PLXNB1: variants seen among roughly 807,000 people sequenced by gnomAD.
The protein encoded by PLXNB1 is plexin B1, also known as plexin-B1.
Under a neutral mutation model 209.4 loss-of-function variants are expected in PLXNB1, and 106 were observed. The ratio of observed to expected loss-of-function variants is 0.51; its 90% CI spans 0.43 to 0.59. The LOEUF (loss-of-function observed/expected upper bound fraction) is 0.59, where lower values mean the gene tolerates loss of function less well. Ranked by LOEUF, PLXNB1 falls within the 20% of genes least tolerant of loss-of-function variation. The probability of loss-of-function intolerance (pLI) is 0.00; values close to 1 mark genes in which losing one functional copy is unlikely to be tolerated. For missense variants in PLXNB1, 2,357 were observed against 2,853.2 expected (o/e 0.83, Z 3.96); for synonymous variants, 1,167 against 1,183.2 (o/e 0.99, Z 0.28).
In PLXNB1 at chr3:48,406,447, T is replaced by G; in HGVS notation, c.6228+376A>C. On this transcript the variant is annotated intron_variant, in intron 36 of 37. Transcript: ENST00000296440. The surrounding 1 kb of genome is among the most constrained non-coding windows in gnomAD (Gnocchi z 4.4). Reference sequence around the variant, plus strand: ...TGTTCATAAACTCCCTGGAGTTACATTTTAGGGCGGTTTCAGGAATGGGAG... The same window carrying G: ...TGTTCATAAACTCCCTGGAGTTACAGTTTAGGGCGGTTTCAGGAATGGGAG... 4 of 287,158 alleles carry G rather than the reference T, an allele frequency of 1.4e-5. No individual in the cohort carries two copies. The highest frequency in any genetic ancestry group is 2.1e-5 in the Non-Finnish European group (4 of 191,706). The allele number at this position is 287,158 out of a possible 1,614,324, so 17.8% of individuals were successfully genotyped here.
At position 48,416,143 on chromosome 3, in the gene PLXNB1, G is replaced by T; in HGVS notation, c.3505C>A (p.Pro1169Thr). ...CCCCCAGCTCTGGGGCCGCGGGCCG[G>T]GAAGATGGAATGGACCTTCGGATCC... ...YQDPKVHSIF[P>T]ARGPRAGGTR... The change falls in exon 18 of 38, where the codon CCG becomes ACG. Residue 1169 changes from proline to threonine, a missense_variant. Transcript: ENST00000296440. The surrounding 1 kb of genome is among the most constrained non-coding windows in gnomAD (Gnocchi z 4.1). 2 of 1,598,908 alleles carry T rather than the reference G, an allele frequency of 1.3e-6. No homozygotes were observed. The highest frequency in any genetic ancestry group is 8.5e-7 in the Non-Finnish European group (1 of 1,173,104).
chr3:48,422,153 C>T lies in PLXNB1; in HGVS notation c.1472G>A (p.Cys491Tyr). ...ACAGTATGGGTCCCTGTGAGCAAGG[C>T]AAGATGCACAGTCCAGGTGCTGAGC... Reference protein sequence around the residue: ...SCAQHLDCASCLAHRDPYCGW... With the variant: ...SCAQHLDCASYLAHRDPYCGW... The change falls in exon 6 of 38, where the codon TGC becomes TAC. Residue 491 changes from cysteine (C) to tyrosine (Y), a missense_variant. Physicochemically the swap from Cys to Tyr is radical, Grantham distance 194. Around this residue, in one of 7 missense-constraint regions of PLXNB1, gnomAD observed 214 missense variants for 297.1 expected, o/e 0.72. Coordinates refer to ENST00000296440, the MANE Select transcript of PLXNB1 (RefSeq NM_001130082.3). 1 of 1,614,174 alleles carries T rather than the reference C, an allele frequency of 6.2e-7. No homozygotes were observed. The highest frequency in any genetic ancestry group is 8.5e-7 in the Non-Finnish European group (1 of 1,180,014).
intron 6 of PLXNB1, 52 bp downstream of exon 6, chr3:48,422,053 C>A: frequency 6.7e-7 from 1 of 1,497,560 alleles, no homozygotes; most frequent in Admixed American, 1.7e-5. Context: ...GACAATTATG[C>A]AGGAGCATTG....
At position 48,412,612 on chromosome 3, in the gene PLXNB1, G is replaced by C; in HGVS notation, c.4863C>G (p.His1621Gln). 6.2e-7 allele frequency: 1 copy of C among 1,613,372 alleles called. No individual in the cohort carries two copies. The highest frequency in any genetic ancestry group is 8.5e-7 in the Non-Finnish European group (1 of 1,179,898). ...NSKLFLTKFI[H>Q]TLESQRTFSA... ...AAAAGGTGCGCTGGCTCTCCAGCGT[G>C]TGGATGAACTGCAGCCAAAGAGAAG... The change falls in exon 26 of 38, where the codon CAC (histidine) becomes CAG (glutamine). Residue 1621 changes from histidine (H) to glutamine (Q), a missense_variant. Around this residue, in one of 7 missense-constraint regions of PLXNB1, gnomAD observed 743 missense variants for 896.2 expected, o/e 0.83. Coordinates refer to ENST00000296440, the MANE Select transcript of PLXNB1 (RefSeq NM_001130082.3).
chr3:48,407,386 G>A (rs1002538144), intron 34 of PLXNB1, among the ~76,000 whole-genome samples: 3 of 152,220 alleles, frequency 2.0e-5, no homozygotes, highest in South Asian at 2.1e-4. Flanking sequence ...AGCCCGGTAC[G>A]TAGGGCAGGA....
Position 48,429,579 on chromosome 3 carries a change from C to T in PLXNB1, c.-60+429G>A, listed in dbSNP as rs1157018766. On this transcript the variant is annotated intron_variant, in intron 1 of 37. Coordinates refer to ENST00000296440, the MANE Select transcript of PLXNB1 (RefSeq NM_001130082.3). The surrounding 1 kb of genome is among the most constrained non-coding windows in gnomAD (Gnocchi z 6.4). ...CGCGGCCCCGAACCGCCCGGGACCCCGCATTCCAGCCCCGCGGGCTCCGCA... is the reference window on the plus strand; with the variant it reads ...CGCGGCCCCGAACCGCCCGGGACCCTGCATTCCAGCCCCGCGGGCTCCGCA... The T allele has an allele frequency of 1.3e-5, 2 of 151,694 alleles. No individual in the cohort carries two copies. Among genetic ancestry groups the T allele is most frequent in the Non-Finnish European group, 2.9e-5 (2 of 67,888 alleles). 9.4% of individuals were successfully genotyped at this position (151,694 alleles called of 1,614,324 possible).
chr3:48,410,114 G>A lies in PLXNB1; in HGVS notation c.5606-37C>T. On this transcript the variant is annotated intron_variant, in intron 31 of 37. Transcript: ENST00000296440. The surrounding 1 kb of genome is among the most constrained non-coding windows in gnomAD (Gnocchi z 6.4). ...GCCCACAGCTGTCACCCCTCCCCAGGTGCCACCTCCCCAGGCCCCCTGTTT... is the reference window on the plus strand; with the variant it reads ...GCCCACAGCTGTCACCCCTCCCCAGATGCCACCTCCCCAGGCCCCCTGTTT... The A allele has an allele frequency of 6.5e-7, 1 of 1,543,060 alleles. No homozygotes were observed. The highest frequency in any genetic ancestry group is 1.2e-5 in the South Asian group (1 of 81,504).
chr3:48,416,674 A>C lies in PLXNB1; in HGVS notation c.3375-223T>G. ...TTGTGGCTTCAATCATTTAAGTTCA[A>C]CCCCAGGGGCCCCCAATAAGGAAGA... On this transcript the variant is annotated intron_variant, in intron 16 of 37. Transcript: ENST00000296440. The surrounding 1 kb of genome is among the most constrained non-coding windows in gnomAD (Gnocchi z 4.1). The C allele has an allele frequency of 2.5e-6, 1 of 395,614 alleles. No individual in the cohort carries two copies. The allele number at this position is 395,614 out of a possible 1,614,324, so 24.5% of individuals were successfully genotyped here.
chr3:48,404,356 G>A lies in PLXNB1; in HGVS notation c.*130C>T. On this transcript the variant is annotated 3_prime_UTR_variant, in exon 38 of 38. Coordinates refer to ENST00000296440, the MANE Select transcript of PLXNB1 (RefSeq NM_001130082.3). ...AGGGCCGAGGCCAGAGCCACCAGGA[G>A]ACTGGGAGTCACCTTCCACTAACTC... 9.6e-6 allele frequency: 6 copies of A among 622,046 alleles called. No homozygotes were observed. The highest frequency in any genetic ancestry group is 1.7e-5 in the Non-Finnish European group (6 of 356,564). 38.5% of individuals were successfully genotyped at this position (622,046 alleles called of 1,614,324 possible).
chr3:48,412,534 C>T lies in PLXNB1; in HGVS notation c.4941G>A (p.Gly1647=). 3 of 1,613,672 alleles carry T rather than the reference C, an allele frequency of 1.9e-6. No individual in the cohort carries two copies. The highest frequency in any genetic ancestry group is 2.5e-6 in the Non-Finnish European group (3 of 1,180,032). The part of the protein sequence containing the change: ...VASLLTVALH[G]KLEYFTDILR... ...GGATGTCAGTGAAATACTCAAGCTT[C>T]CCATGCAGTGCCACGGTGAGCAGAG... Residue 1647 remains glycine (G), a synonymous_variant, in exon 26 of 38, where the codon GGG becomes GGA. Coordinates refer to ENST00000296440, the MANE Select transcript of PLXNB1 (RefSeq NM_001130082.3).
Position 48,424,525 on chromosome 3 carries a change from A to G in PLXNB1, c.87T>C (p.Thr29=), listed in dbSNP as rs755832500. The G allele has an allele frequency of 1.3e-4, 205 of 1,595,400 alleles. No individual in the cohort carries two copies. Among genetic ancestry groups the G allele is most frequent in the Non-Finnish European group, 1.7e-4 (199 of 1,171,422 alleles). Residue 29 remains threonine, a synonymous_variant, in exon 3 of 38, where the codon ACT becomes ACC. Transcript: ENST00000296440. ...GGTGCTGCAGATACGTGCCATTGGGAGTGAATGCAGTTGGTGGAAGGGGCT... is the reference window on the plus strand; with the variant it reads ...GGTGCTGCAGATACGTGCCATTGGGGGTGAATGCAGTTGGTGGAAGGGGCT... The part of the protein sequence containing the change: ...TLQPLPPTAF[T]PNGTYLQHLA...
At chr3:48,421,195 G>T in intron 8 of PLXNB1, 33 bp downstream of exon 8, 1 of 1,605,236 alleles carries the variant, frequency 6.2e-7, no homozygotes, top group Non-Finnish European at 8.5e-7. Flanking sequence ...GCAGGGGCTG[G>T]CCCCCACCAG....
intron 34 of PLXNB1, among the ~76,000 whole-genome samples, chr3:48,408,347 T>C (rs1344739946): frequency 6.6e-6 from 1 of 151,510 alleles, no homozygotes; most frequent in South Asian, 2.1e-4. Context: ...TAGGGATGTA[T>C]CTCTCAAGAA....
chr3:48,419,636 G>C lies in PLXNB1; in HGVS notation c.2650C>G (p.Pro884Ala). Reference sequence around the variant, plus strand: ...TCGAGGCTGGACGGGAGGATGAGGGGGGCGGGAGGGCCCTCAAGCTCTGCT... The same window carrying C: ...TCGAGGCTGGACGGGAGGATGAGGGCGGCGGGAGGGCCCTCAAGCTCTGCT... Reference protein sequence around the residue: ...DSAELEGPPAPLILPSSLDYQ... With the variant: ...DSAELEGPPAALILPSSLDYQ... The change falls in exon 11 of 38, where the codon CCC becomes GCC. Residue 884 changes from proline to alanine, a missense_variant. Around this residue, in one of 7 missense-constraint regions of PLXNB1, gnomAD observed 410 missense variants for 401.0 expected, o/e 1.02. Coordinates refer to ENST00000296440, the MANE Select transcript of PLXNB1 (RefSeq NM_001130082.3). This position sits in a 1 kb window ranked among gnomAD's most constrained non-coding sequence, Gnocchi z 5.7. 6.2e-7 allele frequency: 1 copy of C among 1,612,648 alleles called. No homozygotes were observed. The highest frequency in any genetic ancestry group is 8.5e-7 in the Non-Finnish European group (1 of 1,179,942).
In PLXNB1 at chr3:48,409,020, C is replaced by T. The variant is rs1177777326; in HGVS notation, c.6087+309G>A. 3.3e-5 allele frequency among the ~76,000 whole-genome samples: 5 copies of T among 152,246 alleles called. No individual in the cohort carries two copies. Among genetic ancestry groups the T allele is most frequent in the Admixed American group, 6.5e-5 (1 of 15,284 alleles). ...CCTGTTCCCAGACCTTCTGTGGCTC[C>T]CACTGCCCCAGGAGTGAGTCCTGAC... On this transcript the variant is annotated intron_variant, in intron 34 of 37. Coordinates refer to ENST00000296440, the MANE Select transcript of PLXNB1 (RefSeq NM_001130082.3). The surrounding 1 kb of genome is among the most constrained non-coding windows in gnomAD (Gnocchi z 5.8).
In PLXNB1 at chr3:48,406,843, CAG is replaced by C. The variant is rs1560043361; in HGVS notation, c.6206_6207del (p.Ser2069CysfsTer4). On this transcript the variant is annotated frameshift_variant, in exon 36 of 38. Coordinates refer to ENST00000296440, the MANE Select transcript of PLXNB1 (RefSeq NM_001130082.3). LOFTEE classifies it high-confidence loss of function. The surrounding 1 kb of genome is among the most constrained non-coding windows in gnomAD (Gnocchi z 4.4). Reference protein sequence around the residue: ...TVPASDQEMNSVLAELSWNYS... With the variant: ...TVPASDQEMNXVLAELSWNYS... Reference sequence around the variant, plus strand: ...CTTACCCAGGACAGTTCAGCCAGGACAGAGTTCATCTCTTGGTCGCTGGCTGG... The same window carrying C: ...CTTACCCAGGACAGTTCAGCCAGGACAGTTCATCTCTTGGTCGCTGGCTGG... The C allele has an allele frequency of 6.2e-7, 1 of 1,611,894 alleles. No individual in the cohort carries two copies.
At chr3:48,426,317 C>G (rs936676743) in intron 1 of PLXNB1, among the ~76,000 whole-genome samples, 2 of 152,222 alleles carry the variant, frequency 1.3e-5, no homozygotes, top group Admixed American at 6.5e-5. Flanking sequence ...GAAACTATGG[C>G]AATACCACCT....
chr3:48,414,387 G>T (rs563573955), intron 21 of PLXNB1, among the ~76,000 whole-genome samples: 1 of 152,222 alleles, frequency 6.6e-6, no homozygotes, highest in Non-Finnish European at 1.5e-5. Flanking sequence ...TGATGATGCT[G>T]TATCAACCTG....
chr3:48,419,794 G>A lies in PLXNB1; in HGVS notation c.2492C>T (p.Ala831Val). Residue 831 changes from alanine (A) to valine (V), a missense_variant, in exon 11 of 38, where the codon GCC (alanine) becomes GTC (valine). Coordinates refer to ENST00000296440, the MANE Select transcript of PLXNB1 (RefSeq NM_001130082.3). The surrounding 1 kb of genome is among the most constrained non-coding windows in gnomAD (Gnocchi z 5.7). ...CAGGGCGGGCTTCACGGAGCCCATG[G>A]CCCCTGGGAAAGTGGTGGCAGGAAC... is the stretch of plus-strand genomic sequence containing the variant. The part of the protein sequence containing the change: ...ATVPATTFPG[A>V]MGSVKPALDW... 1 of 1,596,670 alleles carries A rather than the reference G, an allele frequency of 6.3e-7. No homozygotes were observed. Among genetic ancestry groups the A allele is most frequent in the Non-Finnish European group, 8.5e-7 (1 of 1,171,018 alleles).
Sources: gnomAD v4.1 joint callset for allele counts (sites outside exome capture counted in the v4.1 genomes callset) on GRCh38, gnomAD v4.1.1 for gene constraint, gnomAD v4.1.1 regional missense constraint, Gnocchi (gnomAD v3.1) non-coding constraint, MANE v1.5 for transcripts, NCBI Gene and HGNC (gene_info 2026-07-23, HGNC 2026-07-21) for gene names.